KCNN4: variants seen among roughly 807,000 people sequenced by gnomAD.
The protein encoded by KCNN4 is potassium calcium-activated channel subfamily N member 4.
A neutral mutation model predicts 45.2 loss-of-function variants in KCNN4; 31 were observed. The ratio of observed to expected loss-of-function variants is 0.69; its 90% CI spans 0.52 to 0.92. The LOEUF (loss-of-function observed/expected upper bound fraction) is 0.92. Among genes scored for constraint, KCNN4 ranks in the 40% least tolerant of loss-of-function variants. The pLI is 0.00. For missense variants in KCNN4, 463 were observed against 574.0 expected, an observed-to-expected ratio of 0.81 and a Z score of 1.98; for synonymous variants, 231 against 254.6, an observed-to-expected ratio of 0.91 and a Z score of 0.88.
intron 1 of KCNN4, among the ~76,000 whole-genome samples, chr19:43,778,182 C>T (rs1305820980): frequency 6.6e-6 from 1 of 152,224 alleles, no homozygotes. Context: ...CTGAATTTCC[C>T]TGTCTCTAGG....
intron 4 of KCNN4, among the ~76,000 whole-genome samples, chr19:43,771,097 G>A (rs1340074358): frequency 6.6e-6 from 1 of 151,882 alleles, no homozygotes. Flanking sequence ...GTAGGGAGGT[G>A]AAGGCCAAGG....
Position 43,769,303 on chromosome 19 carries a change from G to A in KCNN4, c.1049+139C>T. 1 of 742,090 alleles carries A rather than the reference G, an allele frequency of 1.3e-6. No individual in the cohort carries two copies. 46.0% of individuals were successfully genotyped at this position (742,090 alleles called of 1,614,324 possible). On this transcript the variant is annotated intron_variant, in intron 6 of 8. Transcript: ENST00000648319. This position sits in a 1 kb window ranked among gnomAD's most constrained non-coding sequence, Gnocchi z 4.4. ...TAGAGTCATGCACGGTCAGATCCAG[G>A]TGAGACCTGGATGTTGAGTGAGACC...
rs889678317 is a variant in KCNN4, at chr19:43,774,147, T to C, written c.683+45A>G. 4 of 1,556,394 alleles carry C rather than the reference T, an allele frequency of 2.6e-6. No individual in the cohort carries two copies. In the Admixed American group the frequency reaches 7.2e-5, roughly 28 times the overall value. ...CGCGGCACAGGACGGCCGCCGTGGC[T>C]GTCCGGGGTTCCCCCCTGCGCATTT... is the stretch of plus-strand genomic sequence containing the variant. On this transcript the variant is annotated intron_variant, in intron 3 of 8. Coordinates refer to ENST00000648319, the MANE Select transcript of KCNN4 (RefSeq NM_002250.3). This position sits in a 1 kb window ranked among gnomAD's most constrained non-coding sequence, Gnocchi z 5.6.
chr19:43,780,337 G>A (rs1402264719), intron 1 of KCNN4, among the ~76,000 whole-genome samples: 1 of 151,332 alleles, frequency 6.6e-6, no homozygotes, highest in Non-Finnish European at 1.5e-5. Context: ...TCAGACCCAA[G>A]AGTCTAGGCC....
intron 1 of KCNN4, chr19:43,776,942 CA>C (rs34144623): frequency 0.32 from 78,709 of 247,766 alleles, 13,649 homozygotes; most frequent in South Asian, 0.37. Context: ...ACTAAAAAAA[CA>C]AAAAATTAGC....
In KCNN4 at chr19:43,769,045, G is replaced by T. The variant is rs1165876332; in HGVS notation, c.1050-13C>A. The T allele has an allele frequency of 1.2e-6, 2 of 1,614,102 alleles. No individual in the cohort carries two copies. Among genetic ancestry groups the T allele is most frequent in the Non-Finnish European group, 8.5e-7 (1 of 1,179,928 alleles). On this transcript the variant is annotated splice_polypyrimidine_tract_variant and intron_variant, in intron 6 of 8. Transcript: ENST00000648319. The surrounding 1 kb of genome is among the most constrained non-coding windows in gnomAD (Gnocchi z 4.4). Reference sequence around the variant, plus strand: ...CACCTGGCGGAACCTGTGGGAAGAAGTGGGGAGTCAGTTTTACAAGCCTGG... The same window carrying T: ...CACCTGGCGGAACCTGTGGGAAGAATTGGGGAGTCAGTTTTACAAGCCTGG...
intron 2 of KCNN4, among the ~76,000 whole-genome samples, 181 bp downstream of exon 2, chr19:43,776,360 G>A (rs1405812731): frequency 1.3e-5 from 2 of 151,988 alleles, no homozygotes; most frequent in Non-Finnish European, 2.9e-5. Flanking sequence ...AGCTGGTGGG[G>A]GAGGCTCTGC....
Position 43,774,550 on chromosome 19 carries a change from C to T in KCNN4, c.325G>A (p.Val109Met), listed in dbSNP as rs1238816142. 6.4e-7 allele frequency: 1 copy of T among 1,571,074 alleles called. No individual in the cohort carries two copies. The highest frequency in any genetic ancestry group is 8.6e-7 in the Non-Finnish European group (1 of 1,166,098). Residue 109 changes from valine to methionine, a missense_variant, in exon 3 of 9, where the codon GTG (valine) becomes ATG (methionine). Physicochemically the swap from Val to Met is conservative, Grantham distance 21 (BLOSUM62 1). Around this residue, in one of 3 missense-constraint regions of KCNN4, gnomAD observed 225 missense variants for 240.9 expected, o/e 0.93. Transcript: ENST00000648319. This position sits in a 1 kb window ranked among gnomAD's most constrained non-coding sequence, Gnocchi z 5.6. Reference sequence around the variant, plus strand: ...AGCCCACACACCACCAGCTCCAGCACGATCTGCGCCGCCTGCCGCCCGGTC... The same window carrying T: ...AGCCCACACACCACCAGCTCCAGCATGATCTGCGCCGCCTGCCGCCCGGTC... ...ALTGRQAAQIVLELVVCGLHP... is the reference protein window; with the variant it reads ...ALTGRQAAQIMLELVVCGLHP...
rs1969582656 is a variant in KCNN4 at position 43,769,554 on chromosome 19, CCTT to C, written c.934_936del (p.Lys312del). Reference sequence around the variant, plus strand: ...TCTTGTAGCACTCGGGCAGCGGACTCCTTCATCTGGGGGTGGGTGGCACAGTGT... The same window carrying C: ...TCTTGTAGCACTCGGGCAGCGGACTCCATCTGGGGGTGGGTGGCACAGTGT... On this transcript the variant is annotated inframe_deletion, in exon 6 of 9. Coordinates refer to ENST00000648319, the MANE Select transcript of KCNN4 (RefSeq NM_002250.3). The surrounding 1 kb of genome is among the most constrained non-coding windows in gnomAD (Gnocchi z 4.4). 6.2e-7 allele frequency: 1 copy of C among 1,613,780 alleles called. No homozygotes were observed. The highest frequency in any genetic ancestry group is 1.3e-5 in the African/African-American group (1 of 74,906).
chr19:43,773,328 G>A (rs1228556240), intron 3 of KCNN4, among the ~76,000 whole-genome samples: 1 of 152,236 alleles, frequency 6.6e-6, no homozygotes, highest in Non-Finnish European at 1.5e-5. Context: ...TACAGATGGT[G>A]GAACGTGACA....
At chr19:43,773,341 C>A (rs183966290) in intron 3 of KCNN4, among the ~76,000 whole-genome samples, 36 of 152,320 alleles carry the variant, frequency 2.4e-4, no homozygotes, top group Non-Finnish European at 4.0e-4. Flanking sequence ...ACGTGACATG[C>A]ATTTTTCAGA....
In KCNN4 at chr19:43,777,905, AGGGGAAGAG is replaced by A. The variant is rs1445201992; in HGVS notation, c.160-1278_160-1270del. Among the ~76,000 whole-genome samples, 21 of 152,314 alleles carry A rather than the reference AGGGGAAGAG, an allele frequency of 1.4e-4. No individual in the cohort carries two copies. In the South Asian group the frequency reaches 4.3e-3, roughly 32 times the overall value. On this transcript the variant is annotated intron_variant, in intron 1 of 8. Coordinates refer to ENST00000648319, the MANE Select transcript of KCNN4 (RefSeq NM_002250.3). ...CTGGGCCAGCATCCCGCCTCTGAGC[AGGGGAAGAG>A]GGCCAGTTTCCTGCCCCAGGGGCCT...
At chr19:43,777,595 C>T (rs1334929895) in intron 1 of KCNN4, among the ~76,000 whole-genome samples, 1 of 152,178 alleles carries the variant, frequency 6.6e-6, no homozygotes, top group Non-Finnish European at 1.5e-5. Context: ...CCACTGCCAC[C>T]CCTCTCTTCT....
At chr19:43,776,397 G>C (rs1303092379) in intron 2 of KCNN4, 144 bp downstream of exon 2, 9 of 645,080 alleles carry the variant, frequency 1.4e-5, no homozygotes, top group Admixed American at 5.0e-5. Context: ...CATCCCATCT[G>C]GGTAGGTGAG....
chr19:43,768,927 C>A, intron 7 of KCNN4, 36 bp downstream of exon 7: 1 of 1,610,790 alleles, frequency 6.2e-7, no homozygotes, highest in African/African-American at 1.3e-5. Context: ...CCAACCTCCC[C>A]CTTCTTCAAG....
intron 7 of KCNN4, 53 bp downstream of exon 7, chr19:43,768,910 T>C: frequency 6.3e-7 from 1 of 1,587,778 alleles, no homozygotes; most frequent in South Asian, 1.1e-5. Context: ...TTTCCCTCCC[T>C]GTGGCCCCAA....
chr19:43,774,473 C>T lies in KCNN4; in HGVS notation c.402G>A (p.Pro134=). 2 of 1,594,804 alleles carry T rather than the reference C, an allele frequency of 1.3e-6. No homozygotes were observed. The highest frequency in any genetic ancestry group is 1.7e-5 in the Admixed American group (1 of 57,546). ...CCGGCCAGGGCTGCGGGGAGGTCAG[C>T]GGCGCCCCTAAATCCTGCACGCACG... is the stretch of plus-strand genomic sequence containing the variant. The part of the protein sequence containing the change: ...GPPCVQDLGA[P]LTSPQPWPGF... Residue 134 remains proline, a synonymous_variant, in exon 3 of 9, where the codon CCG becomes CCA. Coordinates refer to ENST00000648319, the MANE Select transcript of KCNN4 (RefSeq NM_002250.3). The surrounding 1 kb of genome is among the most constrained non-coding windows in gnomAD (Gnocchi z 5.6).
rs766051822 is a variant in KCNN4, at chr19:43,776,526, CG to C, written c.255+14del. The C allele has an allele frequency of 1.3e-6, 2 of 1,579,092 alleles. No homozygotes were observed. Among genetic ancestry groups the C allele is most frequent in the Non-Finnish European group, 8.7e-7 (1 of 1,149,294 alleles). ...GGTTGGAGGGAGCAAGGCTTAGGGG[CG>C]GGGCCTGCCCTACCTGGACCTCTTT... On this transcript the variant is annotated intron_variant, in intron 2 of 8. Coordinates refer to ENST00000648319, the MANE Select transcript of KCNN4 (RefSeq NM_002250.3).
chr19:43,772,110 G>C lies in KCNN4; in HGVS notation c.709C>G (p.Leu237Val). 1 of 1,613,538 alleles carries C rather than the reference G, an allele frequency of 6.2e-7. No individual in the cohort carries two copies. Among genetic ancestry groups the C allele is most frequent in the Non-Finnish European group, 8.5e-7 (1 of 1,179,824 alleles). ...GGGATCAGCCAAAGTGTGTCTGAAA[G>C]GTGCCCAGTGGCATTAACAGCCTGC... ...ERQAVNATGHLSDTLWLIPIT... is the reference protein window; with the variant it reads ...ERQAVNATGHVSDTLWLIPIT... The change falls in exon 4 of 9, where the codon CTT becomes GTT. Residue 237 changes from leucine to valine, a missense_variant. Leu to Val is a conservative substitution (Grantham distance 32). Coordinates refer to ENST00000648319, the MANE Select transcript of KCNN4 (RefSeq NM_002250.3). This position sits in a 1 kb window ranked among gnomAD's most constrained non-coding sequence, Gnocchi z 4.4.
Sources: gnomAD v4.1 joint callset for allele counts (sites outside exome capture counted in the v4.1 genomes callset) on GRCh38, gnomAD v4.1.1 for gene constraint, gnomAD v4.1.1 regional missense constraint, Gnocchi (gnomAD v3.1) non-coding constraint, MANE v1.5 for transcripts, NCBI Gene and HGNC (gene_info 2026-07-23, HGNC 2026-07-21) for gene names.